CAV1: variants seen among roughly 807,000 people sequenced by gnomAD.
CAV1 encodes caveolin 1.
Under a neutral mutation model 16.5 loss-of-function variants are expected in CAV1, and 10 were observed. The ratio of observed to expected loss-of-function variants is 0.61; its 90% CI spans 0.37 to 1.03. The LOEUF (loss-of-function observed/expected upper bound fraction) is 1.03. Among genes scored for constraint, CAV1 ranks in the 50% least tolerant of loss-of-function variants. CAV1 has a pLI of 0.01. For missense variants in CAV1, 212 were observed against 232.8 expected (o/e 0.91, Z 0.58); for synonymous variants, 76 against 85.1 (o/e 0.89, Z 0.59).
At chr7:116,545,350 C>T (rs1053799408) in intron 2 of CAV1, among the ~76,000 whole-genome samples, 1 of 152,154 alleles carries the variant, frequency 6.6e-6, no homozygotes, top group Non-Finnish European at 1.5e-5. Flanking sequence ...GGTAGAAAAA[C>T]CCTGTTGTAG....
intron 2 of CAV1, 145 bp from the exon 3 acceptor site, chr7:116,558,801 C>T: frequency 1.5e-6 from 1 of 669,062 alleles, no homozygotes; most frequent in East Asian, 2.7e-5. Flanking sequence ...CCAAGTGATG[C>T]TGATGCTGCT....
intron 2 of CAV1, among the ~76,000 whole-genome samples, chr7:116,556,975 T>G (rs565758199): frequency 1.3e-5 from 2 of 152,304 alleles, no homozygotes; most frequent in African/African-American, 4.8e-5. Flanking sequence ...CCCCTTATTT[T>G]TGATAGTTTT....
At chr7:116,546,168 G>GGTAA (rs769864286) in intron 2 of CAV1, among the ~76,000 whole-genome samples, 37 of 152,072 alleles carry the variant, frequency 2.4e-4, no homozygotes, top group Non-Finnish European at 4.4e-4. Context: ...TCACTTGTTT[G>GGTAA]GTAACACTCA....
intron 2 of CAV1, 115 bp downstream of exon 2, chr7:116,526,804 GCACACACACA>G (rs138907327): frequency 9.9e-7 from 1 of 1,011,920 alleles, no homozygotes; most frequent in Admixed American, 2.1e-5. Context: ...CCCTACACGC[GCACACACACA>G]CACACACAGA....
intron 2 of CAV1, among the ~76,000 whole-genome samples, chr7:116,533,278 C>G (rs1286940865): frequency 6.6e-6 from 1 of 151,922 alleles, no homozygotes; most frequent in African/African-American, 2.4e-5. Context: ...GCCAAGATTG[C>G]AGTGAGCCAA....
At chr7:116,549,120 A>G (rs2116055585) in intron 2 of CAV1, among the ~76,000 whole-genome samples, 1 of 152,322 alleles carries the variant, frequency 6.6e-6, no homozygotes, top group Admixed American at 6.5e-5. Flanking sequence ...CCATGCACAT[A>G]CACACACATG....
chr7:116,544,100 G>A (rs187772166), intron 2 of CAV1, among the ~76,000 whole-genome samples: 28 of 152,166 alleles, frequency 1.8e-4, no homozygotes, highest in Admixed American at 1.6e-3. Context: ...TCATCTCCAC[G>A]GGCAGAGCTA....
At chr7:116,530,487 A>G (rs1198245054) in intron 2 of CAV1, among the ~76,000 whole-genome samples, 1 of 152,184 alleles carries the variant, frequency 6.6e-6, no homozygotes, top group Non-Finnish European at 1.5e-5. Context: ...ATGAAGTGTT[A>G]GGGAGACCCA....
In CAV1 at chr7:116,560,989, G is replaced by A. The variant is rs534236443; in HGVS notation, c.*1702G>A. ...AAAATCACTTAGGAAATGGCTTTGT[G>A]ATTCAATCTGTAAACTGTGTATTCC... On this transcript the variant is annotated 3_prime_UTR_variant, in exon 3 of 3. Transcript: ENST00000341049. 2 of 152,630 alleles carry A rather than the reference G, an allele frequency of 1.3e-5. No individual in the cohort carries two copies. Among genetic ancestry groups the A allele is most frequent in the Admixed American group, 1.3e-4 (2 of 15,290 alleles). The allele number at this position is 152,630 out of a possible 1,614,324, so 9.5% of individuals were successfully genotyped here.
rs1554356437 is a variant in CAV1 at position 116,546,702 on chromosome 7, A to AAAAATAAAAAAAAAAT, written c.196-12240_196-12239insTAAAAAAAAAATAAAA. Among the ~76,000 whole-genome samples, 36 of 143,054 alleles carry AAAAATAAAAAAAAAAT rather than the reference A, an allele frequency of 2.5e-4. 3 individuals carry two copies. The highest frequency in any genetic ancestry group is 7.4e-4 in the African/African-American group (28 of 37,926). 93.8% of individuals were successfully genotyped at this position (143,054 alleles called of 152,430 possible). On this transcript the variant is annotated intron_variant, in intron 2 of 2. Transcript: ENST00000341049. ...ACAAGAATGAGACTCTGTCACAAAA[A>AAAAATAAAAAAAAAAT]AAAAAAAAAAAAGTCTGCAGGCTGC...
At chr7:116,531,413 A>G (rs1324972040) in intron 2 of CAV1, among the ~76,000 whole-genome samples, 1 of 152,212 alleles carries the variant, frequency 6.6e-6, no homozygotes, top group Non-Finnish European at 1.5e-5. Context: ...CAGTCAAGAA[A>G]ATGCACGCAG....
Position 116,561,093 on chromosome 7 carries a change from A to G in CAV1, c.*1806A>G, listed in dbSNP as rs577127115. On this transcript the variant is annotated 3_prime_UTR_variant, in exon 3 of 3. Coordinates refer to ENST00000341049, the MANE Select transcript of CAV1 (RefSeq NM_001753.5). ...GTCCAAAAGATTGCTGAAATTTTAT[A>G]TGCTTACTGATATATTTTACAATTT... 4 of 152,740 alleles carry G rather than the reference A, an allele frequency of 2.6e-5. No individual in the cohort carries two copies. The highest frequency in any genetic ancestry group is 2.1e-4 in the South Asian group (1 of 4,826). The allele number at this position is 152,740 out of a possible 1,614,324, so 9.5% of individuals were successfully genotyped here.
chr7:116,537,160 T>C (rs1212707061), intron 2 of CAV1, among the ~76,000 whole-genome samples: 1 of 152,136 alleles, frequency 6.6e-6, no homozygotes, highest in Non-Finnish European at 1.5e-5. Context: ...AAACCAAAAG[T>C]TTTTACTTTC....
rs1159703159 is a variant in CAV1, at chr7:116,534,395, A to ATT, written c.195+7727_195+7728dup. 4.3e-3 allele frequency among the ~76,000 whole-genome samples: 34 copies of ATT among 7,832 alleles called. 1 individual carries two copies. Among genetic ancestry groups the ATT allele is most frequent in the African/African-American group, 4.0e-3 (12 of 3,006 alleles). The allele number at this position is 7,832 out of a possible 152,430, so 5.1% of individuals were successfully genotyped here. On this transcript the variant is annotated intron_variant, in intron 2 of 2. Transcript: ENST00000341049. ...TATATATATATATATATATATATAT[A>ATT]TTTTTTTTTTTTTTTTTTTTTTGAG...
chr7:116,528,965 G>A (rs1468761679), intron 2 of CAV1, among the ~76,000 whole-genome samples: 1 of 152,082 alleles, frequency 6.6e-6, no homozygotes, highest in Non-Finnish European at 1.5e-5. Context: ...GAGTAGCTGG[G>A]ACTACAAGTG....
chr7:116,546,702 A>AAAAAAAAAAAATAAAAT lies in CAV1; in HGVS notation c.196-12233_196-12232insTAAAATAAAAAAAAAAA, dbSNP rs1554356431. ...ACAAGAATGAGACTCTGTCACAAAAAAAAAAAAAAAAAGTCTGCAGGCTGC... is the reference window on the plus strand; with the variant it reads ...ACAAGAATGAGACTCTGTCACAAAAAAAAAAAAAAAATAAAATAAAAAAAAAAAAGTCTGCAGGCTGC... On this transcript the variant is annotated intron_variant, in intron 2 of 2. Coordinates refer to ENST00000341049, the MANE Select transcript of CAV1 (RefSeq NM_001753.5). Among the ~76,000 whole-genome samples, 49 of 143,052 alleles carry AAAAAAAAAAAATAAAAT rather than the reference A, an allele frequency of 3.4e-4. 1 individual carries two copies. Among genetic ancestry groups the AAAAAAAAAAAATAAAAT allele is most frequent in the African/African-American group, 1.2e-3 (47 of 37,924 alleles). 93.8% of individuals were successfully genotyped at this position (143,052 alleles called of 152,430 possible).
chr7:116,538,897 C>T (rs967009605), intron 2 of CAV1, among the ~76,000 whole-genome samples: 2 of 152,282 alleles, frequency 1.3e-5, no homozygotes, highest in African/African-American at 4.8e-5. Context: ...CTTATAAAAG[C>T]ATCAGATTTC....
intron 2 of CAV1, among the ~76,000 whole-genome samples, chr7:116,529,622 G>A (rs1793642720): frequency 6.6e-6 from 1 of 152,014 alleles, no homozygotes; most frequent in African/African-American, 2.4e-5. Context: ...TTTCTGGAGA[G>A]GAAAGAAAAC....
In CAV1 at chr7:116,528,284, T is replaced by C. The variant is rs151313063; in HGVS notation, c.195+1595T>C. Among the ~76,000 whole-genome samples, 428 of 151,912 alleles carry C rather than the reference T, an allele frequency of 2.8e-3. 3 individuals carry two copies. The highest frequency in any genetic ancestry group is 9.7e-3 in the African/African-American group (403 of 41,386). On this transcript the variant is annotated intron_variant, in intron 2 of 2. Coordinates refer to ENST00000341049, the MANE Select transcript of CAV1 (RefSeq NM_001753.5). ...GGTCTCCACACATAGCATGACTAAGTTGAGAAAGAAAGGCCCCACTGGGAA... is the reference window on the plus strand; with the variant it reads ...GGTCTCCACACATAGCATGACTAAGCTGAGAAAGAAAGGCCCCACTGGGAA...
Sources: gnomAD v4.1 joint callset for allele counts (sites outside exome capture counted in the v4.1 genomes callset) on GRCh38, gnomAD v4.1.1 for gene constraint, MANE v1.5 for transcripts, NCBI Gene and HGNC (gene_info 2026-07-23, HGNC 2026-07-21) for gene names.